The following CDKAL1 variants were observed in gnomAD, a reference collection of about 807,000 sequenced individuals.
The protein encoded by CDKAL1 is CDKAL1 threonylcarbamoyladenosine tRNA methylthiotransferase.
A neutral mutation model predicts 68.2 loss-of-function variants in CDKAL1; 32 were observed. The ratio of observed to expected loss-of-function variants is 0.47; its 90% CI spans 0.35 to 0.63. The LOEUF (loss-of-function observed/expected upper bound fraction) is 0.63. CDKAL1 is among the 30% of genes least tolerant of loss of function. The pLI, the probability that CDKAL1 is intolerant of heterozygous loss-of-function variation, is 0.00. For synonymous variants in CDKAL1, 234 were observed against 244.3 expected (o/e 0.96, Z 0.39); for missense variants, 606 against 696.7 (o/e 0.87, Z 1.47).
rs1014235656 is a variant in CDKAL1, at chr6:20,649,354, A to G, written c.348A>G (p.Glu116=). 6.2e-7 allele frequency: 1 copy of G among 1,600,490 alleles called. No homozygotes were observed. The highest frequency in any genetic ancestry group is 8.5e-7 in the Non-Finnish European group (1 of 1,172,426). ...GTTGCACTGTAAAAAACCCAGCTGAAGACCACTTTAGAAACTCAATTAAGT... is the reference window on the plus strand; with the variant it reads ...GTTGCACTGTAAAAAACCCAGCTGAGGACCACTTTAGAAACTCAATTAAGT... ...LNSCTVKNPA[E]DHFRNSIKKA... is the part of the protein sequence containing the mutation. Residue 116 remains glutamate (E), a synonymous_variant, in exon 5 of 16, where the codon GAA becomes GAG. Coordinates refer to ENST00000274695, the MANE Select transcript of CDKAL1 (RefSeq NM_017774.3).
intron 4 of CDKAL1, among the ~76,000 whole-genome samples, chr6:20,628,761 C>T (rs1440255748): frequency 2.0e-5 from 3 of 152,086 alleles, no homozygotes; most frequent in African/African-American, 7.2e-5. Flanking sequence ...TATATTCTTA[C>T]ATTGCAGAGC....
chr6:20,673,603 A>C (rs1562015361), intron 5 of CDKAL1, among the ~76,000 whole-genome samples: 1 of 152,192 alleles, frequency 6.6e-6, no homozygotes. Context: ...TGTAACTCCC[A>C]TAATTCCCAT....
Position 20,609,303 on chromosome 6 carries a change from C to T in CDKAL1, c.287-39990C>T, listed in dbSNP as rs116501046. Among the ~76,000 whole-genome samples the T allele has an allele frequency of 4.5e-3, 126 of 27,770 alleles. 1 individual carries two copies. Among genetic ancestry groups the T allele is most frequent in the African/African-American group, 7.8e-3 (76 of 9,784 alleles). 18.2% of individuals were successfully genotyped at this position (27,770 alleles called of 152,430 possible). On this transcript the variant is annotated intron_variant, in intron 4 of 15. Transcript: ENST00000274695. ...TCCTTCTCCTTCTTCTCCTTCTCCT[C>T]CTCCTCCTCCCCCCTCCTCTCTCCC...
intron 12 of CDKAL1, among the ~76,000 whole-genome samples, chr6:21,096,338 C>T (rs935419011): frequency 2.6e-4 from 39 of 152,150 alleles, no homozygotes; most frequent in Non-Finnish European, 5.1e-4. Context: ...TGTGGATTAG[C>T]GTCTGGAAGC....
intron 4 of CDKAL1, among the ~76,000 whole-genome samples, chr6:20,624,300 G>GC (rs1767328593): frequency 6.6e-6 from 1 of 151,918 alleles, no homozygotes; most frequent in South Asian, 2.1e-4. Context: ...CATGTAGACA[G>GC]CCACCACCAT....
chr6:21,137,810 T>C (rs1408568212), intron 13 of CDKAL1, among the ~76,000 whole-genome samples: 1 of 152,182 alleles, frequency 6.6e-6, no homozygotes, highest in South Asian at 2.1e-4. Context: ...AAATAACTTA[T>C]AAGCCATGGT....
intron 10 of CDKAL1, among the ~76,000 whole-genome samples, chr6:20,984,157 A>G (rs1766311202): frequency 1.3e-5 from 2 of 152,228 alleles, no homozygotes; most frequent in Non-Finnish European, 2.9e-5. Flanking sequence ...TGCTATCATT[A>G]CTGTTGCTAT....
At chr6:20,711,053 A>G (rs1156614396) in intron 5 of CDKAL1, among the ~76,000 whole-genome samples, 3 of 152,176 alleles carry the variant, frequency 2.0e-5, no homozygotes. Flanking sequence ...AGCGACATAT[A>G]TCATTCCTCT....
At chr6:21,003,343 A>AATATATAAAT (rs1554159043) in intron 11 of CDKAL1, among the ~76,000 whole-genome samples, 1 of 40,450 alleles carries the variant, frequency 2.5e-5, no homozygotes, top group Non-Finnish European at 4.8e-5. Context: ...ATCTCTACTA[A>AATATATAAAT]ATATATATAT....
intron 4 of CDKAL1, among the ~76,000 whole-genome samples, chr6:20,602,650 G>A (rs1041880042): frequency 7.2e-5 from 11 of 152,128 alleles, no homozygotes; most frequent in African/African-American, 2.4e-4. Flanking sequence ...TGGGAAGTTG[G>A]AACACTTGCC....
intron 9 of CDKAL1, among the ~76,000 whole-genome samples, chr6:20,873,959 G>A (rs944632755): frequency 6.6e-6 from 1 of 152,186 alleles, no homozygotes; most frequent in Non-Finnish European, 1.5e-5. Context: ...GGGCAGGTCC[G>A]GAATTCTGTG....
intron 9 of CDKAL1, among the ~76,000 whole-genome samples, chr6:20,904,476 G>A (rs567968118): frequency 7.9e-5 from 12 of 152,020 alleles, no homozygotes; most frequent in Admixed American, 1.3e-4. Flanking sequence ...AACTGGACAC[G>A]TATGAGGAAA....
intron 10 of CDKAL1, among the ~76,000 whole-genome samples, chr6:20,980,084 T>C (rs1474839331): frequency 6.6e-6 from 1 of 151,994 alleles, no homozygotes; most frequent in Non-Finnish European, 1.5e-5. Flanking sequence ...TCAATATATT[T>C]ATAAGCTTGA....
intron 5 of CDKAL1, among the ~76,000 whole-genome samples, chr6:20,687,009 A>G (rs953528211): frequency 2.0e-5 from 3 of 152,178 alleles, no homozygotes; most frequent in Non-Finnish European, 4.4e-5. Flanking sequence ...TTGATTTTCA[A>G]ATGTTGAACC....
rs60342057 is a variant in CDKAL1, at chr6:21,069,804, T to TTTTAAA, written c.1236+4576_1236+4577insTTTAAA. On this transcript the variant is annotated intron_variant, in intron 12 of 15. Transcript: ENST00000274695. ...TTTTTTTTTTTTTTTTTTTTTTTTT[T>TTTTAAA]AAAACAGAGCCTTGCTCTGTCACCC... Among the ~76,000 whole-genome samples the TTTTAAA allele has an allele frequency of 4.8e-4, 41 of 85,512 alleles. 2 individuals are homozygous for TTTTAAA. The highest frequency in any genetic ancestry group is 1.2e-3 in the East Asian group (3 of 2,468). 56.1% of individuals were successfully genotyped at this position (85,512 alleles called of 152,430 possible). A position where few individuals can be genotyped will look rare whatever the true frequency, so the allele number is the denominator to read the frequency against.
intron 5 of CDKAL1, among the ~76,000 whole-genome samples, chr6:20,733,121 G>A (rs1209166413): frequency 1.3e-5 from 2 of 152,160 alleles, no homozygotes; most frequent in African/African-American, 4.8e-5. Flanking sequence ...GGGTGATGGA[G>A]TCATGCTTTC....
At chr6:20,983,250 A>T (rs1341258731) in intron 10 of CDKAL1, among the ~76,000 whole-genome samples, 2 of 152,338 alleles carry the variant, frequency 1.3e-5, no homozygotes, top group East Asian at 1.9e-4. Flanking sequence ...CCATTAATTT[A>T]TTATTTAATT....
chr6:20,846,711 T>G (rs1341121602), intron 9 of CDKAL1, among the ~76,000 whole-genome samples: 1 of 152,206 alleles, frequency 6.6e-6, no homozygotes, highest in Non-Finnish European at 1.5e-5. Flanking sequence ...GAGAATGATT[T>G]GTGTGGGGTG....
intron 8 of CDKAL1, among the ~76,000 whole-genome samples, chr6:20,796,967 G>A (rs984065028): frequency 6.6e-6 from 1 of 152,114 alleles, no homozygotes; most frequent in Non-Finnish European, 1.5e-5. Context: ...TATATTTATG[G>A]TTAGGCAAAG....
Sources: allele counts gnomAD v4.1 joint callset (sites outside exome capture counted in the v4.1 genomes callset), GRCh38; gene constraint gnomAD v4.1.1; transcripts MANE v1.5; gene names NCBI Gene and HGNC (gene_info 2026-07-23, HGNC 2026-07-21).